Variants in COL11A1 observed in about 807,000 individuals in gnomAD.
The protein encoded by COL11A1 is collagen type XI alpha 1 chain, also known as collagen alpha-1(XI) chain.
In COL11A1, 74 loss-of-function variants were observed where a neutral mutation model predicts 265.2. The ratio of observed to expected loss-of-function variants is 0.28; its 90% CI spans 0.23 to 0.34. The LOEUF (loss-of-function observed/expected upper bound fraction) is 0.34, where lower values mean the gene tolerates loss of function less well. Among genes scored for constraint, COL11A1 ranks in the 10% least tolerant of loss-of-function variants. COL11A1 has a pLI of 1.00. For synonymous variants in COL11A1, 816 were observed against 727.6 expected (o/e 1.12, Z -1.96); for missense variants, 2,165 against 2,263.6 (o/e 0.96, Z 0.88).
chr1:103,004,131 A>G (rs2101840719), intron 20 of COL11A1, among the ~76,000 whole-genome samples: 1 of 152,198 alleles, frequency 6.6e-6, no homozygotes, highest in African/African-American at 2.4e-5. Context: ...TCTTCTCAGT[A>G]CATAAATTTC....
intron 41 of COL11A1, among the ~76,000 whole-genome samples, chr1:102,948,962 T>A (rs776467442): frequency 6.7e-6 from 1 of 150,110 alleles, no homozygotes; most frequent in Non-Finnish European, 1.5e-5. Flanking sequence ...GAGAGGGAGG[T>A]CAGGAAGGAA....
intron 41 of COL11A1, among the ~76,000 whole-genome samples, chr1:102,959,771 T>A (rs945573277): frequency 6.6e-6 from 1 of 152,164 alleles, no homozygotes; most frequent in African/African-American, 2.4e-5. Flanking sequence ...GAAAATTGTA[T>A]CCCCTGGACA....
At chr1:102,961,995 A>C (rs746861780) in intron 40 of COL11A1, 76 bp from the exon 41 acceptor site, 2 of 1,347,730 alleles carry the variant, frequency 1.5e-6, no homozygotes, top group Non-Finnish European at 2.1e-6. Context: ...TCTGATTAGT[A>C]AAATAAGGAT....
At chr1:103,012,497 T>C (rs1042920291) in intron 13 of COL11A1, 28 bp from the exon 14 acceptor site, 4 of 1,571,784 alleles carry the variant, frequency 2.5e-6, no homozygotes, top group Non-Finnish European at 3.5e-6. Context: ...TCAAATTCAG[T>C]AATATTCTCC....
At chr1:103,018,781 T>C (rs763868347) in intron 10 of COL11A1, 37 bp downstream of exon 10, 2 of 1,557,484 alleles carry the variant, frequency 1.3e-6, no homozygotes, top group East Asian at 4.5e-5. Context: ...TATGATTACT[T>C]TAAATAGACA....
intron 3 of COL11A1, among the ~76,000 whole-genome samples, chr1:103,075,284 A>G (rs1671889536): frequency 1.3e-5 from 2 of 152,288 alleles, no homozygotes; most frequent in Admixed American, 1.3e-4. Flanking sequence ...TCCTAATTGT[A>G]AAACACAATG....
chr1:103,051,846 G>T (rs535595697), intron 4 of COL11A1, among the ~76,000 whole-genome samples: 1 of 152,318 alleles, frequency 6.6e-6, no homozygotes, highest in Admixed American at 6.5e-5. Context: ...AAAAGATGGT[G>T]AAATGATTCT....
chr1:103,086,569 A>G (rs1157084580), intron 1 of COL11A1, among the ~76,000 whole-genome samples: 5 of 152,074 alleles, frequency 3.3e-5, no homozygotes, highest in Non-Finnish European at 7.4e-5. Context: ...GGCGCCCGCC[A>G]CCACGCCCGG....
At chr1:102,939,481 T>A (rs1043297137) in intron 43 of COL11A1, among the ~76,000 whole-genome samples, 1 of 152,184 alleles carries the variant, frequency 6.6e-6, no homozygotes, top group Admixed American at 6.5e-5. Flanking sequence ...AGGTGAAAGG[T>A]TGGGCCCAGG....
rs555770298 is a variant in COL11A1, at chr1:103,031,261, A to C, written c.652-17T>G. 1.0e-4 allele frequency: 165 copies of C among 1,593,870 alleles called. 3 individuals carry two copies. In the South Asian group the frequency reaches 1.7e-3, roughly 17 times the overall value. On this transcript the variant is annotated splice_polypyrimidine_tract_variant and intron_variant, in intron 4 of 66. Coordinates refer to ENST00000370096, the MANE Select transcript of COL11A1 (RefSeq NM_001854.4). The stretch of plus-strand genomic sequence containing the variant: ...AATGTCCCCCTGGGAAAAAAAAAAA[A>C]ACAAAAACAAACAGACACAGATTCA...
Position 103,002,807 on chromosome 1 carries a change from A to AGTATTTATG in COL11A1, c.1999-25_1999-17dup. 2 of 1,611,738 alleles carry AGTATTTATG rather than the reference A, an allele frequency of 1.2e-6. No homozygotes were observed. Among genetic ancestry groups the AGTATTTATG allele is most frequent in the Non-Finnish European group, 1.7e-6 (2 of 1,177,936 alleles). On this transcript the variant is annotated splice_polypyrimidine_tract_variant and intron_variant, in intron 21 of 66. Transcript: ENST00000370096. ...CTGCCATACCCTGCAATGAAGAAAA[A>AGTATTTATG]GTATTTATGGTTGTTTATATGTTTT...
intron 46 of COL11A1, among the ~76,000 whole-genome samples, chr1:102,931,552 A>G (rs904274192): frequency 7.2e-5 from 11 of 152,164 alleles, no homozygotes; most frequent in African/African-American, 2.4e-4. Flanking sequence ...TGTGGTGCTG[A>G]AAAAAATGTA....
chr1:102,918,061 T>G (rs115730567), intron 49 of COL11A1, among the ~76,000 whole-genome samples: 2,732 of 151,582 alleles, frequency 0.018, 94 homozygotes, highest in African/African-American at 0.063. Context: ...AGACTAATGT[T>G]ATATAAATTA....
At chr1:103,032,852 T>C (rs1668089322) in intron 4 of COL11A1, among the ~76,000 whole-genome samples, 2 of 152,104 alleles carry the variant, frequency 1.3e-5, no homozygotes, top group African/African-American at 4.8e-5. Flanking sequence ...GTTCACACCG[T>C]TCACATATAA....
rs140250347 is a variant in COL11A1 at position 102,879,759 on chromosome 1, C to T, written c.5198G>A (p.Arg1733His). 680 of 1,613,780 alleles carry T rather than the reference C, an allele frequency of 4.2e-4. No homozygotes were observed. Among genetic ancestry groups the T allele is most frequent in the Middle Eastern group, 9.9e-4 (6 of 6,080 alleles). The change falls in exon 66 of 67, where the codon CGC (arginine) becomes CAC (histidine). Residue 1733 changes from arginine to histidine, a missense_variant. Physicochemically the swap from Arg to His is conservative, Grantham distance 29. Transcript: ENST00000370096. ...VSSGSYDKAL[R>H]FLGSNDEEMS... ...CTCCTCATCATTTGATCCCAGGAAG[C>T]GAAGTGCTTTGTCATAACTTCCTGA...
At position 102,950,058 on chromosome 1, in the gene COL11A1, G is replaced by C. The variant is rs535004301; in HGVS notation, c.3169-3102C>G. ...TGCCTGTAATCTCAGCACTTTGGGAGGCCAAGGTGGGCAGATTGCTTGAGG... is the reference window on the plus strand; with the variant it reads ...TGCCTGTAATCTCAGCACTTTGGGACGCCAAGGTGGGCAGATTGCTTGAGG... On this transcript the variant is annotated intron_variant, in intron 41 of 66. Transcript: ENST00000370096. 9.2e-5 allele frequency among the ~76,000 whole-genome samples: 14 copies of C among 152,266 alleles called. No individual in the cohort carries two copies. In the South Asian group the frequency reaches 2.9e-3, roughly 32 times the overall value.
chr1:102,898,647 T>C lies in COL11A1; in HGVS notation c.4248+19A>G, dbSNP rs1172818830. The C allele has an allele frequency of 1.3e-6, 2 of 1,597,486 alleles. No homozygotes were observed. The highest frequency in any genetic ancestry group is 1.7e-6 in the Non-Finnish European group (2 of 1,166,950). ...AAATGTTATTTTCAAAATGGCATCT[T>C]TTTAACACAGATGCTCACCACAGGA... On this transcript the variant is annotated intron_variant, in intron 56 of 66. Transcript: ENST00000370096.
Position 102,920,292 on chromosome 1 carries a change from G to T in COL11A1, c.3762+19C>A. ...CTTAATTCATGCTGTTTCAAACTGT[G>T]TGTCACTAACATATTTACCTTTTCT... On this transcript the variant is annotated intron_variant, in intron 49 of 66. Coordinates refer to ENST00000370096, the MANE Select transcript of COL11A1 (RefSeq NM_001854.4). 1 of 1,609,580 alleles carries T rather than the reference G, an allele frequency of 6.2e-7. No individual in the cohort carries two copies. Among genetic ancestry groups the T allele is most frequent in the Non-Finnish European group, 8.5e-7 (1 of 1,176,044 alleles).
At chr1:103,040,381 A>T (rs1319022482) in intron 4 of COL11A1, among the ~76,000 whole-genome samples, 1 of 151,590 alleles carries the variant, frequency 6.6e-6, no homozygotes, top group Non-Finnish European at 1.5e-5. Flanking sequence ...ATAATCTCAG[A>T]TTATATACTT....
Sources: gnomAD v4.1 joint callset for allele counts (sites outside exome capture counted in the v4.1 genomes callset) on GRCh38, gnomAD v4.1.1 for gene constraint, MANE v1.5 for transcripts, NCBI Gene and HGNC (gene_info 2026-07-23, HGNC 2026-07-21) for gene names.